The following EDNRA variants were observed in gnomAD, a reference collection of about 807,000 sequenced individuals.
EDNRA encodes endothelin receptor type A.
In EDNRA, 11 loss-of-function variants were observed where a neutral mutation model predicts 41.4. That is an observed-to-expected ratio of 0.27 (90% confidence interval 0.17 to 0.44). The LOEUF (loss-of-function observed/expected upper bound fraction) is 0.44, where lower values mean the gene tolerates loss of function less well. Among genes scored for constraint, EDNRA ranks in the 20% least tolerant of loss-of-function variants. The pLI is 1.00. For missense variants in EDNRA, 294 were observed against 531.0 expected (o/e 0.55, Z 4.39); for synonymous variants, 172 against 183.0 (o/e 0.94, Z 0.49).
At chr4:147,533,373 T>G (rs530510568) in intron 4 of EDNRA, among the ~76,000 whole-genome samples, 14 of 152,350 alleles carry the variant, frequency 9.2e-5, no homozygotes, top group African/African-American at 3.4e-4. Context: ...CTATTTAAAA[T>G]GCATCTTTTC....
At chr4:147,501,773 A>G (rs1729524085) in intron 2 of EDNRA, among the ~76,000 whole-genome samples, 1 of 152,204 alleles carries the variant, frequency 6.6e-6, no homozygotes, top group Admixed American at 6.5e-5. Context: ...TATATAATCA[A>G]TTGTTCCAAT....
intron 3 of EDNRA, among the ~76,000 whole-genome samples, chr4:147,527,083 G>A (rs1034563096): frequency 3.3e-5 from 5 of 152,254 alleles, no homozygotes; most frequent in African/African-American, 9.6e-5. Context: ...AGATAGGGGC[G>A]GCACTGTACC....
intron 2 of EDNRA, among the ~76,000 whole-genome samples, chr4:147,501,547 A>C (rs1200390017): frequency 6.6e-6 from 1 of 152,216 alleles, no homozygotes; most frequent in Non-Finnish European, 1.5e-5. Flanking sequence ...TCACCTTTAA[A>C]AGATTCTTCT....
At position 147,519,229 on chromosome 4, in the gene EDNRA, A is replaced by G. The variant is rs1730228120; in HGVS notation, c.421-622A>G. 6.6e-6 allele frequency among the ~76,000 whole-genome samples: 1 copy of G among 152,220 alleles called. No individual in the cohort carries two copies. Among genetic ancestry groups the G allele is most frequent in the South Asian group, 2.1e-4 (1 of 4,832 alleles). On this transcript the variant is annotated intron_variant, in intron 2 of 7. Coordinates refer to ENST00000651419, the MANE Select transcript of EDNRA (RefSeq NM_001957.4). This position sits in a 1 kb window ranked among gnomAD's most constrained non-coding sequence, Gnocchi z 4.1. Reference sequence around the variant, plus strand: ...AGCACAGAGGAAAATGTAAGTTCAAAGTGGCTTTAGGTGTTAGCTAGCTGC... The same window carrying G: ...AGCACAGAGGAAAATGTAAGTTCAAGGTGGCTTTAGGTGTTAGCTAGCTGC...
At chr4:147,501,341 A>G (rs996549546) in intron 2 of EDNRA, among the ~76,000 whole-genome samples, 1 of 152,242 alleles carries the variant, frequency 6.6e-6, no homozygotes, top group African/African-American at 2.4e-5. Context: ...CAGTTCCCAC[A>G]CTAGTAGGAG....
rs1731150182 is a variant in EDNRA, at chr4:147,542,689, T to C, written c.*71T>C. ...AAAAAAATCACAAGGCAACTGTGAG[T>C]CCGGGAATCTCTTCTCTGATCCTTC... On this transcript the variant is annotated 3_prime_UTR_variant, in exon 8 of 8. Transcript: ENST00000651419. The C allele has an allele frequency of 5.8e-6, 9 of 1,551,926 alleles. No individual in the cohort carries two copies. The highest frequency in any genetic ancestry group is 7.9e-6 in the Non-Finnish European group (9 of 1,145,280).
At chr4:147,510,439 T>C (rs564478510) in intron 2 of EDNRA, among the ~76,000 whole-genome samples, 6 of 152,348 alleles carry the variant, frequency 3.9e-5, no homozygotes, top group South Asian at 2.1e-4. Context: ...TACAACCTAA[T>C]GTTATCTCAT....
rs1242299342 is a variant in EDNRA, at chr4:147,486,673, T to C, written c.420+572T>C. On this transcript the variant is annotated intron_variant, in intron 2 of 7. Coordinates refer to ENST00000651419, the MANE Select transcript of EDNRA (RefSeq NM_001957.4). The surrounding 1 kb of genome is among the most constrained non-coding windows in gnomAD (Gnocchi z 4.3). ...GGGTCCACATGATAGCAGGCCACTG[T>C]TGACCTTGCTGAGCAGCATTACTAA... Among the ~76,000 whole-genome samples the C allele has an allele frequency of 6.6e-6, 1 of 152,212 alleles. No individual in the cohort carries two copies. Among genetic ancestry groups the C allele is most frequent in the African/African-American group, 2.4e-5 (1 of 41,464 alleles).
chr4:147,481,937 GC>G (rs1183379801), intron 1 of EDNRA, among the ~76,000 whole-genome samples: 1 of 152,174 alleles, frequency 6.6e-6, no homozygotes, highest in Non-Finnish European at 1.5e-5. Context: ...TTCTGTGCTC[GC>G]CTTTAAAGGA....
intron 2 of EDNRA, among the ~76,000 whole-genome samples, chr4:147,508,388 T>G (rs1729801286): frequency 6.6e-6 from 1 of 152,118 alleles, no homozygotes; most frequent in Admixed American, 6.5e-5. Flanking sequence ...ATCCACCCAC[T>G]TCGGCCTCCC....
At chr4:147,518,100 C>T (rs879405797) in intron 2 of EDNRA, among the ~76,000 whole-genome samples, 22 of 152,296 alleles carry the variant, frequency 1.4e-4, no homozygotes, top group Non-Finnish European at 2.8e-4. Context: ...ACCGTGCCTA[C>T]ACTGTTTTAA....
At chr4:147,539,664 G>A (rs1395622018) in intron 5 of EDNRA, among the ~76,000 whole-genome samples, 153 bp from the exon 6 acceptor site, 1 of 152,048 alleles carries the variant, frequency 6.6e-6, no homozygotes, top group Non-Finnish European at 1.5e-5. Flanking sequence ...TTAGAATCTT[G>A]AAGAGGTAGA....
At chr4:147,505,022 T>TA (rs57879754) in intron 2 of EDNRA, among the ~76,000 whole-genome samples, 54,064 of 139,380 alleles carry the variant, frequency 0.39, 11,690 homozygotes, top group African/African-American at 0.59. Flanking sequence ...AACTCAATGG[T>TA]AAAAAAAATG....
intron 2 of EDNRA, among the ~76,000 whole-genome samples, chr4:147,513,332 GT>G (rs1378164347): frequency 6.6e-6 from 1 of 152,216 alleles, no homozygotes; most frequent in Non-Finnish European, 1.5e-5. Flanking sequence ...AAAGGAAAAA[GT>G]GTATGGATAG....
intron 3 of EDNRA, among the ~76,000 whole-genome samples, chr4:147,526,789 T>A (rs1417102985): frequency 6.6e-6 from 1 of 152,080 alleles, no homozygotes; most frequent in Non-Finnish European, 1.5e-5. Flanking sequence ...CTACAAAAAA[T>A]ATTTTTAAAA....
chr4:147,534,135 C>T (rs990146437), intron 4 of EDNRA, among the ~76,000 whole-genome samples: 2 of 152,156 alleles, frequency 1.3e-5, no homozygotes, highest in African/African-American at 4.8e-5. Flanking sequence ...GCAGGGGACT[C>T]CATTCAGCCC....
intron 3 of EDNRA, among the ~76,000 whole-genome samples, chr4:147,528,356 T>C (rs1481914075): frequency 3.7e-5 from 5 of 135,344 alleles, no homozygotes; most frequent in Admixed American, 1.4e-4. Context: ...TTTCTTGCTT[T>C]CTTTTTTTTT....
At chr4:147,506,599 A>G (rs1729724322) in intron 2 of EDNRA, 1 of 299,522 alleles carries the variant, frequency 3.3e-6, no homozygotes, top group Non-Finnish European at 6.8e-6. Flanking sequence ...GCCTTTAGAA[A>G]TATCAATATT....
At chr4:147,536,619 A>T (rs868450864) in intron 5 of EDNRA, among the ~76,000 whole-genome samples, 95 of 152,272 alleles carry the variant, frequency 6.2e-4, no homozygotes, top group African/African-American at 2.2e-3. Flanking sequence ...TGGAATAGGA[A>T]CCATGCATTT....
Sources: gnomAD v4.1 joint callset for allele counts (sites outside exome capture counted in the v4.1 genomes callset) on GRCh38, gnomAD v4.1.1 for gene constraint, Gnocchi (gnomAD v3.1) non-coding constraint, MANE v1.5 for transcripts, NCBI Gene and HGNC (gene_info 2026-07-23, HGNC 2026-07-21) for gene names.